Variants in INTS6 observed in about 807,000 individuals in gnomAD.
INTS6 encodes DEAD box protein.
In INTS6, 16 loss-of-function variants were observed where a neutral mutation model predicts 104.9. That is an observed-to-expected ratio of 0.15 (90% confidence interval 0.10 to 0.23). INTS6 has a LOEUF of 0.23. Among genes scored for constraint, INTS6 ranks in the 10% least tolerant of loss-of-function variants. INTS6 has a pLI of 1.00. For missense variants in INTS6, 584 were observed against 1,062.8 expected (o/e 0.55, Z 6.26); for synonymous variants, 324 against 358.7 (o/e 0.90, Z 1.09).
chr13:51,354,870 C>T (rs1955455616), intron 3 of INTS6, among the ~76,000 whole-genome samples: 1 of 152,076 alleles, frequency 6.6e-6, no homozygotes, highest in Non-Finnish European at 1.5e-5. Flanking sequence ...TGGGGAAGAG[C>T]CCTGTGTGGT....
chr13:51,451,748 T>TGCC (rs1397628691), intron 2 of INTS6, among the ~76,000 whole-genome samples: 3 of 139,884 alleles, frequency 2.1e-5, no homozygotes, highest in Admixed American at 2.1e-4. Flanking sequence ...CCGCCGCCGC[T>TGCC]GCCGGGCCGG....
intron 15 of INTS6, 28 bp from the exon 16 acceptor site, chr13:51,369,338 T>C: frequency 6.4e-7 from 1 of 1,572,466 alleles, no homozygotes; most frequent in East Asian, 2.3e-5. Flanking sequence ...GGGAAAAAAT[T>C]ATGGGATCCA....
chr13:51,436,140 G>A (rs12430418), intron 3 of INTS6, among the ~76,000 whole-genome samples: 3,421 of 152,116 alleles, frequency 0.022, 214 homozygotes, highest in Admixed American at 0.14. Context: ...TGAAGGATAC[G>A]TTAGAAACTG....
At chr13:51,356,782 CT>C (rs10563020), downstream of INTS6, among the ~76,000 whole-genome samples, 65,114 of 146,742 alleles carry the variant, frequency 0.44, 14,731 homozygotes, top group African/African-American at 0.6. Flanking sequence ...GATACGAAAC[CT>C]TTTTTTTTTT....
intron 4 of INTS6, among the ~76,000 whole-genome samples, chr13:51,399,212 G>A (rs994077990): frequency 6.6e-5 from 10 of 151,880 alleles, no homozygotes; most frequent in Non-Finnish European, 1.3e-4. Context: ...ATCATAATTA[G>A]TTTTATTTTT....
At chr13:51,388,242 T>C (rs1283193057) in intron 6 of INTS6, among the ~76,000 whole-genome samples, 1 of 152,166 alleles carries the variant, frequency 6.6e-6, no homozygotes, top group Non-Finnish European at 1.5e-5. Flanking sequence ...TCCTTCCCTA[T>C]AGTACCCTCT....
chr13:51,439,852 T>C (rs1259341214), intron 3 of INTS6: 2 of 152,180 alleles, frequency 1.3e-5, no homozygotes, highest in African/African-American at 2.4e-5. Flanking sequence ...AGTGGTCCTG[T>C]AGGATTATAA....
At chr13:51,378,187 C>A in intron 12 of INTS6, 52 bp downstream of exon 12, 1 of 1,304,326 alleles carries the variant, frequency 7.7e-7, no homozygotes, top group South Asian at 1.2e-5. Flanking sequence ...TGTGATTTAT[C>A]CAGTAACATA....
intron 17 of INTS6, among the ~76,000 whole-genome samples, chr13:51,366,827 G>T (rs910066945): frequency 6.6e-6 from 1 of 151,948 alleles, no homozygotes; most frequent in African/African-American, 2.4e-5. Context: ...AAGAGACAGG[G>T]GGACAAAGTA....
intron 4 of INTS6, among the ~76,000 whole-genome samples, chr13:51,418,172 C>CA (rs1299580197): frequency 2.0e-5 from 3 of 152,182 alleles, no homozygotes; most frequent in African/African-American, 7.2e-5. Flanking sequence ...AATACAGTAA[C>CA]AGTCCTTCAC....
At chr13:51,341,787 T>C in the INTS6 span, among the ~76,000 whole-genome samples, 1 of 152,100 alleles carries the variant, frequency 6.6e-6, no homozygotes, top group East Asian at 1.9e-4. Flanking sequence ...TTTATTATCA[T>C]CCCAATTTCA....
At chr13:51,447,474 A>C (rs1952941750) in intron 3 of INTS6, 1 of 152,126 alleles carries the variant, frequency 6.6e-6, no homozygotes, top group Non-Finnish European at 1.5e-5. Flanking sequence ...GAAAGCCACC[A>C]TTTTTCAATG....
chr13:51,379,841 C>T (rs1247679145), intron 10 of INTS6, among the ~76,000 whole-genome samples: 1 of 151,926 alleles, frequency 6.6e-6, no homozygotes, highest in Non-Finnish European at 1.5e-5. Flanking sequence ...CTGGGAGAAA[C>T]TAGGTTTGGA....
rs2137842001 is a variant in INTS6, at chr13:51,364,408, T to G, written c.*1344A>C. 2.0e-6 allele frequency: 1 copy of G among 509,482 alleles called. No individual in the cohort carries two copies. The highest frequency in any genetic ancestry group is 3.2e-5 in the East Asian group (1 of 30,790). 31.6% of individuals were successfully genotyped at this position (509,482 alleles called of 1,614,324 possible). A position where few individuals can be genotyped will look rare whatever the true frequency, so the allele number is the denominator to read the frequency against. ...AGCTAAGGGTATGTGATTTTCAATA[T>G]TATAAACCTAAAAATACTTCAGTTT... On this transcript the variant is annotated 3_prime_UTR_variant, in exon 18 of 18. Coordinates refer to ENST00000311234, the MANE Select transcript of INTS6 (RefSeq NM_012141.3).
intron 4 of INTS6, among the ~76,000 whole-genome samples, chr13:51,411,341 G>C (rs1956683993): frequency 6.6e-6 from 1 of 151,608 alleles, no homozygotes; most frequent in Non-Finnish European, 1.5e-5. Flanking sequence ...ATGACCTGAG[G>C]TCAGGAGTTC....
chr13:51,399,770 G>A (rs1037083221), intron 4 of INTS6, among the ~76,000 whole-genome samples: 3 of 152,020 alleles, frequency 2.0e-5, no homozygotes, highest in Non-Finnish European at 4.4e-5. Context: ...TTTCCCTGAT[G>A]TTTATGGAAG....
chr13:51,347,311 C>G, the INTS6 span: 3 of 1,269,152 alleles, frequency 2.4e-6, no homozygotes, highest in Non-Finnish European at 3.4e-6. Flanking sequence ...AGGCCAGGTC[C>G]CTGCTCCTAA....
the INTS6 span, chr13:51,347,104 C>T: frequency 1.2e-6 from 2 of 1,611,164 alleles, no homozygotes; most frequent in Non-Finnish European, 1.7e-6. Flanking sequence ...TGCTTGTGAG[C>T]ACCATGTCCT....
intron 4 of INTS6, among the ~76,000 whole-genome samples, chr13:51,398,830 G>A (rs1453798973): frequency 6.6e-6 from 1 of 151,822 alleles, no homozygotes; most frequent in Non-Finnish European, 1.5e-5. Flanking sequence ...ATAAGCTGCA[G>A]TCTGTTCACA....
Sources: gnomAD v4.1 joint callset for allele counts (sites outside exome capture counted in the v4.1 genomes callset) on GRCh38, gnomAD v4.1.1 for gene constraint, MANE v1.5 for transcripts, NCBI Gene and HGNC (gene_info 2026-07-23, HGNC 2026-07-21) for gene names.